ADGRV1: variants seen among roughly 807,000 people sequenced by gnomAD.
ADGRV1 encodes adhesion G protein-coupled receptor V1, also known as G-protein coupled receptor 98.
Under a neutral mutation model 596.2 loss-of-function variants are expected in ADGRV1, and 359 were observed. That is an observed-to-expected ratio of 0.60 (90% CI 0.55 to 0.66). ADGRV1 has a LOEUF of 0.66. ADGRV1 is among the 30% of genes least tolerant of loss of function. ADGRV1 has a pLI of 0.00. For synonymous variants in ADGRV1, 2,681 were observed against 2,679.2 expected, an observed-to-expected ratio of 1.00 and a Z score of -0.02; for missense variants, 7,274 against 7,575.6, an observed-to-expected ratio of 0.96 and a Z score of 1.48.
chr5:90,944,302 C>T (rs1776397628), intron 83 of ADGRV1, among the ~76,000 whole-genome samples: 1 of 152,096 alleles, frequency 6.6e-6, no homozygotes, highest in African/African-American at 2.4e-5. Context: ...TGCCCAGTGA[C>T]CCCAAGTTGC....
At position 90,757,049 on chromosome 5, in the gene ADGRV1, G is replaced by A. The variant is rs764043638; in HGVS notation, c.11828G>A (p.Arg3943Gln). ...PLNVLQVPVV[R>Q]LAGSFGAVNV... ...AACGTTCTTCAAGTTCCTGTAGTCC[G>A]GCTGGCTGGAAGCTTTGGGGCAGTA... The change falls in exon 57 of 90, where the codon CGG becomes CAG. Residue 3943 changes from arginine to glutamine, a missense_variant. Transcript: ENST00000405460. 8.7e-6 allele frequency: 14 copies of A among 1,613,726 alleles called. No homozygotes were observed. The highest frequency in any genetic ancestry group is 5.5e-5 in the South Asian group (5 of 91,076).
chr5:90,981,692 G>A (rs1413487962), intron 84 of ADGRV1, among the ~76,000 whole-genome samples: 1 of 151,974 alleles, frequency 6.6e-6, no homozygotes, highest in Non-Finnish European at 1.5e-5. Context: ...ACCCTGAACT[G>A]GAATAAGCAG....
intron 83 of ADGRV1, among the ~76,000 whole-genome samples, chr5:90,927,555 T>A (rs1260437492): frequency 6.6e-6 from 1 of 152,196 alleles, no homozygotes; most frequent in African/African-American, 2.4e-5. Context: ...GTTTCCTGAA[T>A]ACAGCACACT....
intron 7 of ADGRV1, 187 bp downstream of exon 7, chr5:90,627,963 A>AC (rs1368368997): frequency 4.5e-6 from 1 of 224,094 alleles, no homozygotes; most frequent in Admixed American, 8.1e-5. Flanking sequence ...CACACACACA[A>AC]GAATATGTCA....
intron 1 of ADGRV1, among the ~76,000 whole-genome samples, chr5:90,607,640 TG>T (rs963087084): frequency 6.6e-6 from 1 of 152,140 alleles, no homozygotes; most frequent in African/African-American, 2.4e-5. Context: ...AACTGATCAA[TG>T]TAAGAGTAAA....
chr5:90,724,876 G>C lies in ADGRV1; in HGVS notation c.9793G>C (p.Glu3265Gln). Reference protein sequence around the residue: ...VFSVFQSFLDESASGWCFFTL... With the variant: ...VFSVFQSFLDQSASGWCFFTL... ...TTCCGTATTTCAAAGTTTTTTGGAT[G>C]AATCAGCTTCTGGCTGGTGTTTCTT... Residue 3265 changes from glutamate (E) to glutamine (Q), a missense_variant, in exon 46 of 90, where the codon GAA becomes CAA. Physicochemically the swap from Glu to Gln is conservative, Grantham distance 29 (BLOSUM62 2). Coordinates refer to ENST00000405460, the MANE Select transcript of ADGRV1 (RefSeq NM_032119.4). The C allele has an allele frequency of 6.2e-7, 1 of 1,613,086 alleles. No homozygotes were observed. The highest frequency in any genetic ancestry group is 8.5e-7 in the Non-Finnish European group (1 of 1,179,332).
At chr5:90,851,132 TGTGA>T (rs1350604540) in intron 79 of ADGRV1, among the ~76,000 whole-genome samples, 1 of 71,964 alleles carries the variant, frequency 1.4e-5, no homozygotes, top group African/African-American at 3.9e-5. Flanking sequence ...TGTGTGTGTG[TGTGA>T]GAGAGAGAGA....
intron 75 of ADGRV1, among the ~76,000 whole-genome samples, chr5:90,823,084 A>G (rs146786056): frequency 0.014 from 2,157 of 152,322 alleles, 21 homozygotes; most frequent in Non-Finnish European, 0.023. Context: ...AACAGGGACA[A>G]TTTGACTTCC....
At chr5:90,859,937 A>AG (rs1337230113) in intron 82 of ADGRV1, among the ~76,000 whole-genome samples, 1 of 151,574 alleles carries the variant, frequency 6.6e-6, no homozygotes, top group Non-Finnish European at 1.5e-5. Context: ...AAAAAAAAAA[A>AG]AAAAATTAGC....
At chr5:90,883,578 C>T (rs768058417) in intron 83 of ADGRV1, among the ~76,000 whole-genome samples, 23 of 152,112 alleles carry the variant, frequency 1.5e-4, no homozygotes, top group South Asian at 4.1e-4. Context: ...TACAATGCTG[C>T]CTTTCTCTCC....
At chr5:91,015,899 T>C (rs764717363) in intron 85 of ADGRV1, among the ~76,000 whole-genome samples, 1 of 151,968 alleles carries the variant, frequency 6.6e-6, no homozygotes, top group African/African-American at 2.4e-5. Flanking sequence ...TTGGATTTGG[T>C]CCTGTCATTG....
chr5:91,105,753 T>C (rs1791808799), intron 87 of ADGRV1, among the ~76,000 whole-genome samples: 1 of 152,178 alleles, frequency 6.6e-6, no homozygotes, highest in South Asian at 2.1e-4. Context: ...TTCTCTCATC[T>C]TCTAGGTTGT....
chr5:90,748,488 C>T (rs569811243), intron 52 of ADGRV1, among the ~76,000 whole-genome samples: 19 of 151,956 alleles, frequency 1.3e-4, no homozygotes, highest in African/African-American at 1.7e-4. Context: ...AATTTTAGTG[C>T]GCATTTTACA....
chr5:90,694,068 A>G lies in ADGRV1; in HGVS notation c.7312A>G (p.Thr2438Ala), dbSNP rs768738940. Residue 2438 changes from threonine (T) to alanine (A), a missense_variant, in exon 33 of 90, where the codon ACC (threonine) becomes GCC (alanine). Thr to Ala is a moderately conservative substitution (Grantham distance 58). Transcript: ENST00000405460. ...CTCTGCCGTGGGGGAGCCCCTGTAT[A>G]CCTGTGCCACTTTGTGCCTTAAGGA... is the stretch of plus-strand genomic sequence containing the variant. ...NVSAVGEPLY[T>A]CATLCLKEQA... 3 of 1,613,648 alleles carry G rather than the reference A, an allele frequency of 1.9e-6. No individual in the cohort carries two copies. Among genetic ancestry groups the G allele is most frequent in the South Asian group, 2.2e-5 (2 of 91,076 alleles).
At chr5:90,568,035 G>T (rs561639903) in intron 1 of ADGRV1, among the ~76,000 whole-genome samples, 1 of 152,036 alleles carries the variant, frequency 6.6e-6, no homozygotes, top group Non-Finnish European at 1.5e-5. Context: ...ACCATGCCCA[G>T]TCCCTTTTAT....
rs368714747 is a variant in ADGRV1, at chr5:90,653,397, C to T, written c.3823C>T (p.Gln1275Ter). The T allele has an allele frequency of 6.2e-7, 1 of 1,613,920 alleles. No individual in the cohort carries two copies. Among genetic ancestry groups the T allele is most frequent in the Non-Finnish European group, 8.5e-7 (1 of 1,179,854 alleles). ...TACCAACTTCACCATTTTGAGGCAG[C>T]AGGGTGTGTTTGGTGATGTACAACT... ...YITNFTILRQ[Q>*]GVFGDVQLGW... The change falls in exon 20 of 90, where the codon CAG (glutamine) becomes TAG (stop). Residue 1275 changes from glutamine (Q) to a stop codon, truncating the protein, a stop_gained. Transcript: ENST00000405460. LOFTEE classifies it high-confidence loss of function.
chr5:90,651,230 A>G (rs1768572200), intron 17 of ADGRV1, among the ~76,000 whole-genome samples: 1 of 152,188 alleles, frequency 6.6e-6, no homozygotes, highest in Admixed American at 6.5e-5. Flanking sequence ...CCACCTAAGA[A>G]ATTTGAAAAT....
intron 85 of ADGRV1, among the ~76,000 whole-genome samples, chr5:90,996,885 G>A (rs149325964): frequency 1.2e-3 from 183 of 152,284 alleles, no homozygotes; most frequent in African/African-American, 3.8e-3. Context: ...TGCCCTGCTG[G>A]GTTTTGGATT....
In ADGRV1 at chr5:90,697,195, T is replaced by C. The variant is rs750888728; in HGVS notation, c.8155+49T>C. The C allele has an allele frequency of 9.5e-6, 14 of 1,478,284 alleles. No homozygotes were observed. The African/African-American group carries it at 1.5e-4, about 16-fold the overall frequency. 91.6% of individuals were successfully genotyped at this position (1,478,284 alleles called of 1,614,324 possible). On this transcript the variant is annotated intron_variant, in intron 34 of 89. Transcript: ENST00000405460. The stretch of plus-strand genomic sequence containing the variant: ...ATATTCATTTTCTTTTCTATGGATG[T>C]TGTCTTTTGTCTAGTTCTTTAAAAC...
Sources: allele counts gnomAD v4.1 joint callset (sites outside exome capture counted in the v4.1 genomes callset), GRCh38; gene constraint gnomAD v4.1.1; transcripts MANE v1.5; gene names NCBI Gene and HGNC (gene_info 2026-07-23, HGNC 2026-07-21).